VWDE: variants seen among roughly 807,000 people sequenced by gnomAD.
VWDE encodes von Willebrand factor D and EGF domain-containing protein.
Under a neutral mutation model 178.4 loss-of-function variants are expected in VWDE, and 207 were observed. The observed-to-expected ratio is 1.16, with a 90% CI of 1.04 to 1.30. The LOEUF is 1.30. Ranked by LOEUF, VWDE falls within the 50% of genes most tolerant of loss-of-function variation. The probability of loss-of-function intolerance (pLI) is 0.00; values close to 1 mark genes in which losing one functional copy is unlikely to be tolerated. For synonymous variants in VWDE, 738 were observed against 651.4 expected (o/e 1.13, Z -2.02); for missense variants, 2,287 against 1,901.3 (o/e 1.20, Z -3.77).
At chr7:12,363,270 G>A (rs2128553837) in intron 13 of VWDE, among the ~76,000 whole-genome samples, 1 of 152,152 alleles carries the variant, frequency 6.6e-6, no homozygotes, top group South Asian at 2.1e-4. Flanking sequence ...GAGCAGAAGT[G>A]GAAAGAGTGC....
intron 18 of VWDE, chr7:12,354,309 G>A: frequency 5.1e-6 from 2 of 389,054 alleles, no homozygotes; most frequent in South Asian, 1.9e-5. Context: ...ATAATTAACT[G>A]CAGCAAAAAA....
In VWDE at chr7:12,359,256, T is replaced by C. The variant is rs551467570; in HGVS notation, c.3274+322A>G. Among the ~76,000 whole-genome samples, 21 of 152,286 alleles carry C rather than the reference T, an allele frequency of 1.4e-4. No homozygotes were observed. The East Asian group carries it at 4.1e-3, about 29-fold the overall frequency. ...AGATTACTGAGTCCAGATACCTTGT[T>C]TAACAAGTGCTGAATCCATGGCCTT... On this transcript the variant is annotated intron_variant, in intron 16 of 28. Coordinates refer to ENST00000275358, the MANE Select transcript of VWDE (RefSeq NM_001135924.3).
At position 12,361,343 on chromosome 7, in the gene VWDE, G is replaced by A. The variant is rs1232896048; in HGVS notation, c.3054+23C>T. On this transcript the variant is annotated intron_variant, in intron 14 of 28. Coordinates refer to ENST00000275358, the MANE Select transcript of VWDE (RefSeq NM_001135924.3). ...AAGTATTTACTTTGTTTATAAATAT[G>A]AAGATGTCTTTTTATTTTTTACCTT... is the stretch of plus-strand genomic sequence containing the variant. 5 of 1,544,636 alleles carry A rather than the reference G, an allele frequency of 3.2e-6. No individual in the cohort carries two copies. In the Admixed American group the frequency reaches 8.0e-5, roughly 25 times the overall value.
At chr7:12,401,653 G>A (rs146425885) in intron 1 of VWDE, among the ~76,000 whole-genome samples, 2 of 152,236 alleles carry the variant, frequency 1.3e-5, no homozygotes, top group African/African-American at 2.4e-5. Context: ...AAGTGTTGAT[G>A]GAAACATGAA....
chr7:12,361,552 C>A, intron 13 of VWDE, 31 bp from the exon 14 acceptor site: 1 of 1,480,692 alleles, frequency 6.8e-7, no homozygotes, highest in South Asian at 1.4e-5. Flanking sequence ...AAATTAACCT[C>A]TGTTAAATTA....
chr7:12,379,631 A>G (rs906045724), intron 5 of VWDE, 65 bp from the exon 6 acceptor site: 4 of 1,192,864 alleles, frequency 3.4e-6, no homozygotes, highest in Non-Finnish European at 2.3e-6. Flanking sequence ...GTAAATTATC[A>G]CTTTTAAAAT....
intron 24 of VWDE, 22 bp downstream of exon 24, chr7:12,340,300 C>A (rs1781256152): frequency 2.0e-6 from 3 of 1,525,246 alleles, no homozygotes; most frequent in South Asian, 2.4e-5. Flanking sequence ...GCCCTTTTTA[C>A]ATACAAAGAA....
chr7:12,369,909 A>G lies in VWDE; in HGVS notation c.2397T>C (p.Ser799=), dbSNP rs3801366. Residue 799 remains serine, a synonymous_variant, in exon 12 of 29, where the codon TCT becomes TCC. Transcript: ENST00000275358. ...TCAAGGTGCTATACTCGGTGAGGCC[A>G]GAGGGAGTGGGCCAAGAGGGGAAAA... is the stretch of plus-strand genomic sequence containing the variant. ...QEFFPSWPTP[S]GLTEYSTLTL... is the part of the protein sequence containing the mutation. 191,782 of 1,551,374 alleles carry G rather than the reference A, an allele frequency of 0.12. 12,824 individuals are homozygous for G. The highest frequency in any genetic ancestry group is 0.22 in the East Asian group (8,816 of 40,868).
chr7:12,376,826 T>C (rs1036117987), intron 7 of VWDE, among the ~76,000 whole-genome samples: 2 of 152,088 alleles, frequency 1.3e-5, no homozygotes, highest in South Asian at 4.1e-4. Flanking sequence ...TAAGATGACC[T>C]CTCTTAATTC....
intron 21 of VWDE, 47 bp downstream of exon 21, chr7:12,344,148 A>C: frequency 6.8e-7 from 1 of 1,471,960 alleles, no homozygotes; most frequent in Middle Eastern, 1.7e-4. Flanking sequence ...AAAGAAAATT[A>C]TGCTATATTT....
Position 12,331,190 on chromosome 7 carries a change from C to A in VWDE, c.4766G>T (p.Arg1589Leu). The A allele has an allele frequency of 6.5e-7, 1 of 1,540,328 alleles. No homozygotes were observed. The highest frequency in any genetic ancestry group is 8.8e-7 in the Non-Finnish European group (1 of 1,138,982). ...VKCEKKIQIR[R>L]H ...TCATATACTTGATGCTACTCAATGGCGTCTTATCTGTAGTAGGAAGAAGGA... is the reference window on the plus strand; with the variant it reads ...TCATATACTTGATGCTACTCAATGGAGTCTTATCTGTAGTAGGAAGAAGGA... The change falls in exon 29 of 29, where the codon CGC (arginine) becomes CTC (leucine). Residue 1589 changes from arginine (R) to leucine (L), a missense_variant. Physicochemically the swap from Arg to Leu is moderately radical, Grantham distance 102 (BLOSUM62 -2). Coordinates refer to ENST00000275358, the MANE Select transcript of VWDE (RefSeq NM_001135924.3).
rs1445206303 is a variant in VWDE, at chr7:12,367,582, T to A, written c.2762-89A>T. ...ATTTCCAAGCCCCAAATTAAAAGCA[T>A]ATGGAAAATAATATTTTAAAGTATA... On this transcript the variant is annotated intron_variant, in intron 12 of 28. Coordinates refer to ENST00000275358, the MANE Select transcript of VWDE (RefSeq NM_001135924.3). The A allele has an allele frequency of 2.7e-6, 3 of 1,130,190 alleles. No homozygotes were observed. In the Admixed American group the frequency reaches 9.6e-5, roughly 36 times the overall value. 70.0% of individuals were successfully genotyped at this position (1,130,190 alleles called of 1,614,324 possible).
intron 23 of VWDE, among the ~76,000 whole-genome samples, chr7:12,341,622 ACT>A (rs912801571): frequency 8.1e-6 from 1 of 123,244 alleles, no homozygotes; most frequent in African/African-American, 3.6e-5. Context: ...ACAGAGTGAG[ACT>A]CTGTCTAAAT....
At chr7:12,383,915 T>C (rs542435407) in intron 3 of VWDE, among the ~76,000 whole-genome samples, 18 of 152,280 alleles carry the variant, frequency 1.2e-4, no homozygotes, top group African/African-American at 3.4e-4. Flanking sequence ...GAATTCAAAA[T>C]GGTACAGCTA....
Position 12,380,677 on chromosome 7 carries a change from C to G in VWDE, c.598G>C (p.Glu200Gln). The G allele has an allele frequency of 1.3e-6, 2 of 1,551,998 alleles. No homozygotes were observed. The highest frequency in any genetic ancestry group is 1.7e-6 in the Non-Finnish European group (2 of 1,147,058). ...PPAGRPEVLV[E>Q]LIESRLFCRC... ...CAGAAAAGCCTGGACTCAATCAACTCCACCAGAACCTCTGGCCTTCCTGCA... is the reference window on the plus strand; with the variant it reads ...CAGAAAAGCCTGGACTCAATCAACTGCACCAGAACCTCTGGCCTTCCTGCA... The change falls in exon 5 of 29, where the codon GAG becomes CAG. Residue 200 changes from glutamate (E) to glutamine (Q), a missense_variant. Glu to Gln is a conservative substitution (Grantham distance 29). Transcript: ENST00000275358.
At chr7:12,337,527 T>C (rs1255237625) in intron 24 of VWDE, among the ~76,000 whole-genome samples, 1 of 152,178 alleles carries the variant, frequency 6.6e-6, no homozygotes, top group Non-Finnish European at 1.5e-5. Context: ...CATATTACAA[T>C]GAATATATTA....
chr7:12,392,223 G>A (rs1057010307), intron 2 of VWDE, among the ~76,000 whole-genome samples: 2 of 152,208 alleles, frequency 1.3e-5, no homozygotes, highest in African/African-American at 4.8e-5. Flanking sequence ...GCATCACTGA[G>A]AGAACTAGTG....
In VWDE at chr7:12,383,640, C is replaced by T. The variant is rs377523038; in HGVS notation, c.476-39G>A. 2.3e-4 allele frequency: 340 copies of T among 1,506,738 alleles called. 1 individual carries two copies. Among genetic ancestry groups the T allele is most frequent in the Non-Finnish European group, 3.0e-4 (333 of 1,106,966 alleles). The allele number at this position is 1,506,738 out of a possible 1,614,324, so 93.3% of individuals were successfully genotyped here. On this transcript the variant is annotated intron_variant, in intron 3 of 28. Transcript: ENST00000275358. ...AGGTTTGTATAATTATTCAGCTGGG[C>T]ATGAAGATATACATCTACATATATC...
chr7:12,347,541 G>C (rs1377357598), intron 19 of VWDE, among the ~76,000 whole-genome samples: 1 of 151,964 alleles, frequency 6.6e-6, no homozygotes, highest in Non-Finnish European at 1.5e-5. Flanking sequence ...GCATAAAAAA[G>C]ACTATTAGAA....
Sources: gnomAD v4.1 joint callset for allele counts (sites outside exome capture counted in the v4.1 genomes callset) on GRCh38, gnomAD v4.1.1 for gene constraint, MANE v1.5 for transcripts, NCBI Gene and HGNC (gene_info 2026-07-23, HGNC 2026-07-21) for gene names.